RALGPS1: variants seen among roughly 807,000 people sequenced by gnomAD.
RALGPS1 encodes ras-specific guanine nucleotide-releasing factor RalGPS1.
Under a neutral mutation model 78.8 loss-of-function variants are expected in RALGPS1, and 19 were observed. The ratio of observed to expected loss-of-function variants is 0.24; its 90% CI spans 0.17 to 0.35. RALGPS1 has a LOEUF of 0.35. RALGPS1 is among the 10% of genes least tolerant of loss of function. RALGPS1 has a pLI of 1.00. For synonymous variants in RALGPS1, 228 were observed against 256.3 expected (o/e 0.89, Z 1.06); for missense variants, 454 against 688.3 (o/e 0.66, Z 3.81).
intron 11 of RALGPS1, chr9:127,177,932 TCCAGCATCAGAGCC>T: frequency 1.3e-6 from 2 of 1,548,678 alleles, no homozygotes; most frequent in Non-Finnish European, 1.7e-6. Flanking sequence ...CCAGCCAACC[TCCAGCATCAGAGCC>T]CTGGCAGGGG....
At chr9:127,016,241 C>T (rs911267484) in intron 4 of RALGPS1, among the ~76,000 whole-genome samples, 6 of 152,146 alleles carry the variant, frequency 3.9e-5, no homozygotes, top group African/African-American at 1.4e-4. Flanking sequence ...TCCATTTGCC[C>T]TCGAAACACT....
intron 1 of RALGPS1, among the ~76,000 whole-genome samples, chr9:126,933,816 CA>C (rs2036019441): frequency 6.6e-6 from 1 of 152,266 alleles, no homozygotes; most frequent in East Asian, 1.9e-4. Flanking sequence ...CGTGTGCCTG[CA>C]GGGGGGGTGT....
At chr9:126,980,193 T>C (rs569311865) in intron 4 of RALGPS1, among the ~76,000 whole-genome samples, 19 of 152,238 alleles carry the variant, frequency 1.2e-4, no homozygotes, top group Non-Finnish European at 2.6e-4. Flanking sequence ...AATTTTCCTC[T>C]TGGGGATGCC....
intron 5 of RALGPS1, among the ~76,000 whole-genome samples, chr9:127,038,554 A>T (rs1241022894): frequency 6.6e-6 from 1 of 152,176 alleles, no homozygotes; most frequent in Admixed American, 6.5e-5. Context: ...ACTCCCTTTT[A>T]TATGACGCTC....
intron 12 of RALGPS1, among the ~76,000 whole-genome samples, chr9:127,196,061 G>T (rs765094597): frequency 3.3e-5 from 5 of 152,220 alleles, no homozygotes; most frequent in Non-Finnish European, 5.9e-5. Flanking sequence ...GTCTAATGAG[G>T]TTCAACAAGG....
At chr9:126,915,755 A>G (rs942370107) in intron 1 of RALGPS1, among the ~76,000 whole-genome samples, 3 of 126,714 alleles carry the variant, frequency 2.4e-5, no homozygotes, top group African/African-American at 6.1e-5. Flanking sequence ...TCCTGTTGCT[A>G]TTGAAGGGGC....
intron 8 of RALGPS1, among the ~76,000 whole-genome samples, chr9:127,157,414 G>C (rs1189468539): frequency 2.0e-5 from 3 of 152,026 alleles, no homozygotes; most frequent in Non-Finnish European, 4.4e-5. Flanking sequence ...TAGATAAAAG[G>C]TTTGTATTCT....
chr9:127,082,369 T>G (rs1388262172), intron 8 of RALGPS1, among the ~76,000 whole-genome samples: 1 of 152,180 alleles, frequency 6.6e-6, no homozygotes. Context: ...CCGTGTCCAT[T>G]GTTTGAGATA....
At chr9:127,200,715 G>A (rs552874238) in intron 14 of RALGPS1, among the ~76,000 whole-genome samples, 32 of 152,344 alleles carry the variant, frequency 2.1e-4, no homozygotes, top group African/African-American at 7.5e-4. Context: ...CCCGGCAGTG[G>A]GGAGGAGAAC....
intron 12 of RALGPS1, among the ~76,000 whole-genome samples, chr9:127,196,218 C>T (rs1366654768): frequency 1.3e-5 from 2 of 152,244 alleles, no homozygotes; most frequent in African/African-American, 4.8e-5. Context: ...TCACTCGAGC[C>T]TCATAGCCAC....
At chr9:127,126,745 C>G (rs1180587563) in intron 8 of RALGPS1, among the ~76,000 whole-genome samples, 1 of 152,188 alleles carries the variant, frequency 6.6e-6, no homozygotes, top group East Asian at 1.9e-4. Flanking sequence ...TCCACTGATT[C>G]ATTCTATCTT....
intron 8 of RALGPS1, chr9:127,093,878 C>T: frequency 6.2e-7 from 1 of 1,614,086 alleles, no homozygotes; most frequent in South Asian, 1.1e-5. Context: ...GTAGATGGAG[C>T]TGGTGTCGTG....
intron 6 of RALGPS1, among the ~76,000 whole-genome samples, chr9:127,051,946 G>C (rs1404916446): frequency 6.6e-6 from 1 of 152,170 alleles, no homozygotes; most frequent in East Asian, 1.9e-4. Context: ...AAGTGACAGG[G>C]GTGGGCAAAG....
chr9:127,011,295 C>T (rs561905773), intron 4 of RALGPS1, among the ~76,000 whole-genome samples: 30 of 152,074 alleles, frequency 2.0e-4, no homozygotes, highest in East Asian at 1.5e-3. Flanking sequence ...CTCCTGCCTC[C>T]GCCTCCCGAG....
At chr9:126,999,185 G>T (rs2043057447) in intron 4 of RALGPS1, among the ~76,000 whole-genome samples, 2 of 148,782 alleles carry the variant, frequency 1.3e-5, no homozygotes, top group Admixed American at 6.6e-5. Flanking sequence ...ATAATAATAA[G>T]TTTCAGATTT....
At chr9:126,950,829 A>T (rs1249325944) in intron 1 of RALGPS1, among the ~76,000 whole-genome samples, 1 of 145,938 alleles carries the variant, frequency 6.9e-6, no homozygotes, top group African/African-American at 2.5e-5. Context: ...GCAGAACTGA[A>T]GGAAATAGAG....
chr9:126,966,800 AT>A (rs1290258740), intron 3 of RALGPS1, among the ~76,000 whole-genome samples: 1 of 152,206 alleles, frequency 6.6e-6, no homozygotes, highest in Non-Finnish European at 1.5e-5. Context: ...AAAAAAAGAT[AT>A]ATCTTCAACC....
chr9:127,134,055 C>G (rs752045992), intron 8 of RALGPS1, among the ~76,000 whole-genome samples: 19 of 151,992 alleles, frequency 1.3e-4, no homozygotes, highest in African/African-American at 4.6e-4. Flanking sequence ...AGGAGCTTCA[C>G]GTAAGAAAGA....
At chr9:127,078,001 AG>A (rs908496026) in intron 8 of RALGPS1, among the ~76,000 whole-genome samples, 1 of 152,128 alleles carries the variant, frequency 6.6e-6, no homozygotes, top group African/African-American at 2.4e-5. Flanking sequence ...CACATGCTAC[AG>A]GGGCCAACTT....
Sources: allele counts gnomAD v4.1 joint callset (sites outside exome capture counted in the v4.1 genomes callset), GRCh38; gene constraint gnomAD v4.1.1; transcripts MANE v1.5; gene names NCBI Gene and HGNC (gene_info 2026-07-23, HGNC 2026-07-21).